Variants in TBC1D8 observed in about 807,000 individuals in gnomAD.
TBC1D8 encodes the protein BUB2-like protein 1.
Under a neutral mutation model 118.8 loss-of-function variants are expected in TBC1D8, and 65 were observed. That is an observed-to-expected ratio of 0.55 (90% CI 0.45 to 0.67). The LOEUF is 0.67. TBC1D8 is among the 30% of genes least tolerant of loss of function. The pLI, the probability that TBC1D8 is intolerant of heterozygous loss-of-function variation, is 0.00. For missense variants in TBC1D8, 1,376 were observed against 1,471.2 expected (o/e 0.94, Z 1.06); for synonymous variants, 566 against 595.8 (o/e 0.95, Z 0.73).
chr2:101,027,448 G>C lies in TBC1D8; in HGVS notation c.2455C>G (p.Arg819Gly). The C allele has an allele frequency of 6.2e-7, 1 of 1,612,788 alleles. No homozygotes were observed. The highest frequency in any genetic ancestry group is 8.5e-7 in the Non-Finnish European group (1 of 1,179,066). ...ATTGAGACTTCCGGGATAACGACTC[G>C]AAGCTTGAGGAAAGAATAAACAGCA... Reference protein sequence around the residue: ...HEDTTKQNVLRVVIPEVSILP... With the variant: ...HEDTTKQNVLGVVIPEVSILP... The change falls in exon 15 of 20, where the codon CGA (arginine) becomes GGA (glycine). Residue 819 changes from arginine to glycine, a missense_variant. Transcript: ENST00000409318.
chr2:101,143,622 C>G (rs963400465), intron 1 of TBC1D8, among the ~76,000 whole-genome samples: 1 of 152,088 alleles, frequency 6.6e-6, no homozygotes, highest in African/African-American at 2.4e-5. Flanking sequence ...TGCAGTGGTA[C>G]GATCACAGTT....
chr2:101,019,168 AG>A lies in TBC1D8; in HGVS notation c.2827+2512del, dbSNP rs1679872995. On this transcript the variant is annotated intron_variant, in intron 17 of 19. Transcript: ENST00000409318. ...TCCCATATTACCCTGGCAGAGGGCC[AG>A]GCCTGTTCTACACGGCCGGGGTTTC... 2.3e-6 allele frequency: 3 copies of A among 1,304,248 alleles called. No individual in the cohort carries two copies. The African/African-American group carries it at 4.4e-5, about 19-fold the overall frequency. The allele number at this position is 1,304,248 out of a possible 1,614,324, so 80.8% of individuals were successfully genotyped here.
chr2:101,092,664 G>T (rs190467302), intron 1 of TBC1D8, among the ~76,000 whole-genome samples: 1 of 151,920 alleles, frequency 6.6e-6, no homozygotes, highest in Non-Finnish European at 1.5e-5. Context: ...TGTGTCCTTC[G>T]GATGTGTCCT....
chr2:101,121,218 T>C (rs1264860232), intron 1 of TBC1D8, among the ~76,000 whole-genome samples: 1 of 152,200 alleles, frequency 6.6e-6, no homozygotes, highest in East Asian at 1.9e-4. Flanking sequence ...TAAAGTAATA[T>C]TCTATTCCAT....
At chr2:101,142,737 C>T (rs577874030) in intron 1 of TBC1D8, among the ~76,000 whole-genome samples, 86 of 152,128 alleles carry the variant, frequency 5.7e-4, no homozygotes, top group African/African-American at 2.0e-3. Flanking sequence ...GTATTGATTA[C>T]GAATACATAT....
At chr2:101,034,144 A>G (rs1290668411) in intron 9 of TBC1D8, among the ~76,000 whole-genome samples, 1 of 152,210 alleles carries the variant, frequency 6.6e-6, no homozygotes, top group African/African-American at 2.4e-5. Flanking sequence ...AGCCTGGGCG[A>G]CAGAGTAAGG....
rs952956497 is a variant in TBC1D8, at chr2:101,007,632, G to C, written c.*189C>G. 47 of 627,160 alleles carry C rather than the reference G, an allele frequency of 7.5e-5. No homozygotes were observed. The highest frequency in any genetic ancestry group is 7.2e-5 in the Non-Finnish European group (26 of 362,974). 38.8% of individuals were successfully genotyped at this position (627,160 alleles called of 1,614,324 possible). On this transcript the variant is annotated 3_prime_UTR_variant, in exon 20 of 20. Coordinates refer to ENST00000409318, the MANE Select transcript of TBC1D8 (RefSeq NM_001330348.2). Reference sequence around the variant, plus strand: ...GAACCAATGGATACCTTAGGGCACTGACAATTCTCAATACATAGAAATGCT... The same window carrying C: ...GAACCAATGGATACCTTAGGGCACTCACAATTCTCAATACATAGAAATGCT...
rs1262499471 is a variant in TBC1D8, at chr2:101,010,910, C to T, written c.3015+19G>A. ...AAAAAAAAAAAAAGTTAATTCTCTG[C>T]ACTGAAGAAAGTCCATACCTGGCTC... On this transcript the variant is annotated intron_variant, in intron 19 of 19. Coordinates refer to ENST00000409318, the MANE Select transcript of TBC1D8 (RefSeq NM_001330348.2). The T allele has an allele frequency of 2.5e-6, 4 of 1,580,310 alleles. No homozygotes were observed. In the South Asian group the frequency reaches 4.5e-5, roughly 18 times the overall value.
Position 101,140,156 on chromosome 2 carries a change from C to A in TBC1D8, c.127+10971G>T, listed in dbSNP as rs1679037594. ...TACAGGTTAATAAACTGAGACCCTA[C>A]AAAGAGTGGGTTATGGTCACAGAAC... On this transcript the variant is annotated intron_variant, in intron 1 of 19. Coordinates refer to ENST00000409318, the MANE Select transcript of TBC1D8 (RefSeq NM_001330348.2). 2.0e-5 allele frequency among the ~76,000 whole-genome samples: 3 copies of A among 152,158 alleles called. No homozygotes were observed. The South Asian group carries it at 6.2e-4, about 31-fold the overall frequency.
rs17664070 is a variant in TBC1D8 at position 101,060,507 on chromosome 2, G to A, written c.284-968C>T. 3.8e-3 allele frequency among the ~76,000 whole-genome samples: 580 copies of A among 152,312 alleles called. 1 individual carries two copies. Among genetic ancestry groups the A allele is most frequent in the South Asian group, 9.3e-3 (45 of 4,830 alleles). On this transcript the variant is annotated intron_variant, in intron 2 of 19. Coordinates refer to ENST00000409318, the MANE Select transcript of TBC1D8 (RefSeq NM_001330348.2). ...AACACAAAAGCATTAAATCAAAGGC[G>A]TAAATTCATTTCTTTCAATGACAAT... is the stretch of plus-strand genomic sequence containing the variant.
intron 10 of TBC1D8, chr2:101,033,093 G>GCA (rs1363850721): frequency 3.5e-6 from 1 of 289,162 alleles, no homozygotes; most frequent in East Asian, 8.2e-5. Context: ...CACTACACAT[G>GCA]CACGTTTCTC....
intron 15 of TBC1D8, among the ~76,000 whole-genome samples, chr2:101,025,470 G>A (rs1041707758): frequency 1.3e-5 from 2 of 152,120 alleles, no homozygotes; most frequent in Non-Finnish European, 2.9e-5. Context: ...CAAGTGATTC[G>A]GCCTCCCAAA....
intron 1 of TBC1D8, among the ~76,000 whole-genome samples, chr2:101,126,431 T>C (rs1399148818): frequency 6.6e-6 from 1 of 152,168 alleles, no homozygotes; most frequent in Non-Finnish European, 1.5e-5. Flanking sequence ...GCTGGGTACA[T>C]ATGTCCTGCC....
chr2:101,136,019 T>C (rs1573101434), intron 1 of TBC1D8, among the ~76,000 whole-genome samples: 1 of 152,066 alleles, frequency 6.6e-6, no homozygotes, highest in African/African-American at 2.4e-5. Flanking sequence ...CCACCACGCC[T>C]GGCTAATTTT....
At chr2:101,048,011 G>A (rs1036310215) in intron 5 of TBC1D8, among the ~76,000 whole-genome samples, 4 of 152,180 alleles carry the variant, frequency 2.6e-5, no homozygotes, top group Non-Finnish European at 4.4e-5. Flanking sequence ...AGGAATCACC[G>A]GAAATCCCAG....
rs374713421 is a variant in TBC1D8, at chr2:101,008,148, C to G, written c.3141G>C (p.Gln1047His). The G allele has an allele frequency of 4.3e-6, 7 of 1,613,760 alleles. No individual in the cohort carries two copies. The African/African-American group carries it at 9.3e-5, about 22-fold the overall frequency. Residue 1047 changes from glutamine to histidine, a missense_variant, in exon 20 of 20, where the codon CAG becomes CAC. By Grantham distance (24) the Gln-to-His change is conservative (BLOSUM62 0). Coordinates refer to ENST00000409318, the MANE Select transcript of TBC1D8 (RefSeq NM_001330348.2). ...TLLLQIGEVG[Q>H]RGSSSGSCSQ... Reference sequence around the variant, plus strand: ...AGCAGCTTCCAGAGCTGCTGCCTCGCTGCCCCACCTCCCCGATCTGCAGCA... The same window carrying G: ...AGCAGCTTCCAGAGCTGCTGCCTCGGTGCCCCACCTCCCCGATCTGCAGCA...
chr2:101,063,560 C>T (rs759470653), intron 2 of TBC1D8, among the ~76,000 whole-genome samples: 1 of 152,136 alleles, frequency 6.6e-6, no homozygotes, highest in Non-Finnish European at 1.5e-5. Flanking sequence ...GGAAATTTTC[C>T]AGACTGTAAT....
In TBC1D8 at chr2:101,083,364, G is replaced by C. The variant is rs181216314; in HGVS notation, c.283+6845C>G. ...GCCAGGATGGAGGACGCAGGTGACAGGGAGTCAGGGAGGTGACATCTCAGC... is the reference window on the plus strand; with the variant it reads ...GCCAGGATGGAGGACGCAGGTGACACGGAGTCAGGGAGGTGACATCTCAGC... On this transcript the variant is annotated intron_variant, in intron 2 of 19. Transcript: ENST00000409318. Among the ~76,000 whole-genome samples, 554 of 152,276 alleles carry C rather than the reference G, an allele frequency of 3.6e-3. 6 individuals are homozygous for C. Among genetic ancestry groups the C allele is most frequent in the Non-Finnish European group, 6.1e-3 (415 of 68,032 alleles).
rs1678819238 is a variant in TBC1D8 at position 101,007,555 on chromosome 2, C to CAGA, written c.*263_*265dup. On this transcript the variant is annotated 3_prime_UTR_variant, in exon 20 of 20. Coordinates refer to ENST00000409318, the MANE Select transcript of TBC1D8 (RefSeq NM_001330348.2). ...AGCAAAATCAACACTAGCATCACAG[C>CAGA]AGAAGTGCCCATTTCAGCAAATCCG... 1.1e-5 allele frequency: 5 copies of CAGA among 457,290 alleles called. No homozygotes were observed. The East Asian group carries it at 1.6e-4, about 14-fold the overall frequency. The allele number at this position is 457,290 out of a possible 1,614,324, so 28.3% of individuals were successfully genotyped here. A position where few individuals can be genotyped will look rare whatever the true frequency, so the allele number is the denominator to read the frequency against.
Sources: gnomAD v4.1 joint callset for allele counts (sites outside exome capture counted in the v4.1 genomes callset) on GRCh38, gnomAD v4.1.1 for gene constraint, MANE v1.5 for transcripts, NCBI Gene and HGNC (gene_info 2026-07-23, HGNC 2026-07-21) for gene names.